LRCH3: variants seen among roughly 807,000 people sequenced by gnomAD.
LRCH3 encodes the protein leucine rich repeats and calponin homology domain containing 3, also known as DISP complex protein LRCH3.
Under a neutral mutation model 104.5 loss-of-function variants are expected in LRCH3, and 68 were observed. The ratio of observed to expected loss-of-function variants is 0.65; its 90% CI spans 0.54 to 0.80. The LOEUF (loss-of-function observed/expected upper bound fraction) is 0.80, where lower values mean the gene tolerates loss of function less well. Among genes scored for constraint, LRCH3 ranks in the 30% least tolerant of loss-of-function variants. LRCH3 has a pLI of 0.00. For synonymous variants in LRCH3, 344 were observed against 361.3 expected, an observed-to-expected ratio of 0.95 and a Z score of 0.54; for missense variants, 951 against 953.9, an observed-to-expected ratio of 1.00 and a Z score of 0.04.
At chr3:197,792,666 T>A (rs945610674) in intron 1 of LRCH3, among the ~76,000 whole-genome samples, 3 of 131,434 alleles carry the variant, frequency 2.3e-5, no homozygotes, top group African/African-American at 8.3e-5. Flanking sequence ...TATATATTTT[T>A]TCGAGACGGT....
chr3:197,871,953 G>A (rs141511260), intron 19 of LRCH3, among the ~76,000 whole-genome samples: 5 of 152,114 alleles, frequency 3.3e-5, no homozygotes, highest in Non-Finnish European at 5.9e-5. Flanking sequence ...CGTGAGCTGG[G>A]GCCGTGGTAC....
At chr3:197,814,515 T>C (rs1343078254) in intron 1 of LRCH3, among the ~76,000 whole-genome samples, 2 of 152,238 alleles carry the variant, frequency 1.3e-5, no homozygotes, top group Non-Finnish European at 2.9e-5. Flanking sequence ...GTTCAATATA[T>C]GTGATGAATT....
chr3:197,798,678 T>C (rs530435246), intron 1 of LRCH3, among the ~76,000 whole-genome samples: 1 of 152,368 alleles, frequency 6.6e-6, no homozygotes, highest in South Asian at 2.1e-4. Flanking sequence ...TCATTAGTCT[T>C]GGAAATACGG....
At chr3:197,800,840 A>C (rs1731800542) in intron 1 of LRCH3, among the ~76,000 whole-genome samples, 1 of 152,222 alleles carries the variant, frequency 6.6e-6, no homozygotes. Flanking sequence ...TCACACCTAT[A>C]ATCCCAGCAC....
intron 1 of LRCH3, among the ~76,000 whole-genome samples, chr3:197,805,841 C>T (rs1732420383): frequency 6.6e-6 from 1 of 152,014 alleles, no homozygotes; most frequent in African/African-American, 2.4e-5. Flanking sequence ...CCAAATGAAA[C>T]AGCCAGGTCC....
At chr3:197,869,924 T>C (rs9848788) in intron 17 of LRCH3, among the ~76,000 whole-genome samples, 5,000 of 147,828 alleles carry the variant, frequency 0.034, 173 homozygotes, top group African/African-American at 0.11. Context: ...GCACTGTACC[T>C]GCAGGAGGTA....
chr3:197,820,710 G>A (rs1206794552), intron 4 of LRCH3, among the ~76,000 whole-genome samples: 1 of 152,166 alleles, frequency 6.6e-6, no homozygotes, highest in Non-Finnish European at 1.5e-5. Context: ...TCAGGAAGCT[G>A]AGGTGGGAGG....
At chr3:197,880,685 G>C (rs1223708876) in intron 20 of LRCH3, 1 of 1,536,746 alleles carries the variant, frequency 6.5e-7, no homozygotes, top group Admixed American at 2.0e-5. Flanking sequence ...CTCTCTGTGT[G>C]CTTTATTACT....
intron 15 of LRCH3, among the ~76,000 whole-genome samples, chr3:197,864,266 A>G (rs1389872968): frequency 6.6e-6 from 1 of 150,956 alleles, no homozygotes; most frequent in Admixed American, 6.7e-5. Flanking sequence ...AGAGTGCTCT[A>G]TTGCACTCTA....
intron 15 of LRCH3, among the ~76,000 whole-genome samples, chr3:197,863,260 T>TTTTA (rs939232207): frequency 2.0e-5 from 3 of 152,024 alleles, no homozygotes; most frequent in South Asian, 2.1e-4. Context: ...CTAGCTTTTC[T>TTTTA]TTTATTTATT....
chr3:197,803,662 A>T (rs1450919444), intron 1 of LRCH3, among the ~76,000 whole-genome samples: 2 of 139,342 alleles, frequency 1.4e-5, no homozygotes, highest in African/African-American at 2.8e-5. Context: ...GAGACTGTTT[A>T]AAAAAAAAAA....
At position 197,810,395 on chromosome 3, in the gene LRCH3, C is replaced by G. The variant is rs1202126155; in HGVS notation, c.263-4513C>G. 6.6e-6 allele frequency among the ~76,000 whole-genome samples: 1 copy of G among 152,156 alleles called. No individual in the cohort carries two copies. On this transcript the variant is annotated intron_variant, in intron 1 of 20. Transcript: ENST00000425562. The surrounding 1 kb of genome is among the most constrained non-coding windows in gnomAD (Gnocchi z 4.0). ...CTCGAACTGCTGACCTTAGGTGATT[C>G]ACCAGCCTCTGCCTCTGGAAGTGCT...
At chr3:197,857,467 G>A (rs369773591) in intron 14 of LRCH3, among the ~76,000 whole-genome samples, 4 of 146,088 alleles carry the variant, frequency 2.7e-5, no homozygotes, top group East Asian at 2.0e-4. Flanking sequence ...CATTGTCTTC[G>A]TTCTGCCCCT....
chr3:197,805,446 G>A (rs986919923), intron 1 of LRCH3, among the ~76,000 whole-genome samples: 5 of 152,146 alleles, frequency 3.3e-5, no homozygotes, highest in Admixed American at 6.5e-5. Context: ...AGGGGGACAC[G>A]CCTCCAAACT....
chr3:197,795,448 T>G (rs567551998), intron 1 of LRCH3, among the ~76,000 whole-genome samples: 60 of 152,102 alleles, frequency 3.9e-4, no homozygotes, highest in African/African-American at 1.3e-3. Context: ...GTAACTGAAT[T>G]TTTTGTTGAA....
intron 20 of LRCH3, among the ~76,000 whole-genome samples, chr3:197,877,478 A>G (rs1713018536): frequency 1.0e-5 from 1 of 96,924 alleles, no homozygotes; most frequent in Non-Finnish European, 2.1e-5. Context: ...TACCCAACTC[A>G]CCGCACCCAT....
chr3:197,834,278 A>T (rs1736387283), intron 8 of LRCH3, among the ~76,000 whole-genome samples: 1 of 152,214 alleles, frequency 6.6e-6, no homozygotes, highest in Non-Finnish European at 1.5e-5. Context: ...GATGAACAAG[A>T]TGTGGCTAAA....
intron 1 of LRCH3, among the ~76,000 whole-genome samples, chr3:197,809,025 T>C (rs1467703000): frequency 1.3e-5 from 2 of 151,918 alleles, no homozygotes; most frequent in East Asian, 3.9e-4. Context: ...TGGCCAGGCA[T>C]GGTGGCTCAT....
intron 20 of LRCH3, chr3:197,882,105 T>C (rs149088450): frequency 2.6e-4 from 256 of 985,422 alleles, no homozygotes; most frequent in Non-Finnish European, 3.0e-4. Flanking sequence ...GGGGTTGTAA[T>C]TGTACATTCT....
Sources: gnomAD v4.1 joint callset for allele counts (sites outside exome capture counted in the v4.1 genomes callset) on GRCh38, gnomAD v4.1.1 for gene constraint, Gnocchi (gnomAD v3.1) non-coding constraint, MANE v1.5 for transcripts, NCBI Gene and HGNC (gene_info 2026-07-23, HGNC 2026-07-21) for gene names.